The following MIPOL1 variants were observed in gnomAD, a reference collection of about 807,000 sequenced individuals.
The protein encoded by MIPOL1 is mirror-image polydactyly 1, also known as mirror-image polydactyly gene 1 protein.
Under a neutral mutation model 60.9 loss-of-function variants are expected in MIPOL1, and 57 were observed. The ratio of observed to expected loss-of-function variants is 0.94; its 90% CI spans 0.76 to 1.17. The LOEUF is 1.17. Ranked by LOEUF, MIPOL1 falls within the 50% of genes most tolerant of loss-of-function variation. The pLI, the probability that MIPOL1 is intolerant of heterozygous loss-of-function variation, is 0.00. For synonymous variants in MIPOL1, 179 were observed against 168.8 expected, an observed-to-expected ratio of 1.06 and a Z score of -0.47; for missense variants, 551 against 511.6, an observed-to-expected ratio of 1.08 and a Z score of -0.74.
At chr14:37,327,267 A>C (rs1009041422) in intron 9 of MIPOL1, among the ~76,000 whole-genome samples, 1 of 151,984 alleles carries the variant, frequency 6.6e-6, no homozygotes, top group Non-Finnish European at 1.5e-5. Flanking sequence ...ATCCCACATG[A>C]GGTTGGAAAT....
intron 1 of MIPOL1, among the ~76,000 whole-genome samples, chr14:37,210,318 T>C (rs1966722949): frequency 6.6e-6 from 1 of 152,088 alleles, no homozygotes. Context: ...CTCATCCCTT[T>C]TGACACCAGT....
intron 11 of MIPOL1, among the ~76,000 whole-genome samples, chr14:37,473,186 G>A (rs182328240): frequency 6.6e-6 from 1 of 151,996 alleles, no homozygotes; most frequent in South Asian, 2.1e-4. Flanking sequence ...GTTCTTTCTC[G>A]ATTAAAGATA....
intron 1 of MIPOL1, among the ~76,000 whole-genome samples, chr14:37,235,068 G>A (rs769088593): frequency 5.9e-5 from 9 of 151,378 alleles, no homozygotes; most frequent in Non-Finnish European, 1.0e-4. Flanking sequence ...TGGGATTACA[G>A]GCGTGAGCCA....
chr14:37,263,564 G>A (rs190074152), intron 3 of MIPOL1, among the ~76,000 whole-genome samples: 11 of 152,238 alleles, frequency 7.2e-5, no homozygotes, highest in Admixed American at 6.5e-4. Context: ...ATAAAACAGT[G>A]TGCCCACAGA....
At chr14:37,540,411 G>A (rs866594470) in intron 12 of MIPOL1, among the ~76,000 whole-genome samples, 1 of 152,138 alleles carries the variant, frequency 6.6e-6, no homozygotes, top group Non-Finnish European at 1.5e-5. Context: ...CGTAGTGTCT[G>A]TATATATTCA....
At chr14:37,486,305 T>C (rs2094945276) in intron 11 of MIPOL1, among the ~76,000 whole-genome samples, 1 of 152,172 alleles carries the variant, frequency 6.6e-6, no homozygotes, top group South Asian at 2.1e-4. Context: ...CTTAGGATTG[T>C]CTTGGCAATG....
chr14:37,499,758 T>C, intron 11 of MIPOL1, 150 bp from the exon 12 acceptor site: 1 of 467,602 alleles, frequency 2.1e-6, no homozygotes, highest in Non-Finnish European at 3.8e-6. Flanking sequence ...TCAATTATAA[T>C]GTTGTGACAT....
At chr14:37,233,971 G>T (rs1170960028) in intron 1 of MIPOL1, among the ~76,000 whole-genome samples, 1 of 152,120 alleles carries the variant, frequency 6.6e-6, no homozygotes, top group Non-Finnish European at 1.5e-5. Context: ...GCTTTGGTTG[G>T]ACTTGGTCTT....
intron 11 of MIPOL1, among the ~76,000 whole-genome samples, chr14:37,476,876 T>TTTTAC (rs1239417556): frequency 1.3e-5 from 2 of 151,278 alleles, no homozygotes; most frequent in Non-Finnish European, 2.9e-5. Context: ...GGTTTGTAAG[T>TTTTAC]TTTACTTTCT....
intron 11 of MIPOL1, among the ~76,000 whole-genome samples, chr14:37,462,893 C>T (rs1159718984): frequency 2.0e-5 from 3 of 152,154 alleles, no homozygotes; most frequent in African/African-American, 4.8e-5. Flanking sequence ...CAAACTTTCC[C>T]ATATTTTCCT....
intron 12 of MIPOL1, among the ~76,000 whole-genome samples, chr14:37,542,234 C>T (rs1485146398): frequency 6.6e-6 from 1 of 152,106 alleles, no homozygotes; most frequent in African/African-American, 2.4e-5. Context: ...TGTGACTGTC[C>T]TACTCTTGGT....
At chr14:37,450,511 A>C (rs534215573) in intron 11 of MIPOL1, among the ~76,000 whole-genome samples, 27 of 152,210 alleles carry the variant, frequency 1.8e-4, no homozygotes, top group Admixed American at 7.9e-4. Context: ...CATGGAAGAT[A>C]ATTTTTTTAA....
intron 11 of MIPOL1, among the ~76,000 whole-genome samples, chr14:37,479,995 A>G (rs2094837226): frequency 1.3e-5 from 2 of 152,170 alleles, no homozygotes; most frequent in Admixed American, 1.3e-4. Flanking sequence ...ATGAAAAAGT[A>G]GAAAATCTAA....
chr14:37,200,850 ATGTGTG>A (rs56965903), intron 1 of MIPOL1, among the ~76,000 whole-genome samples: 17,291 of 86,952 alleles, frequency 0.2, 1,675 homozygotes, highest in Non-Finnish European at 0.22. Context: ...ATATCTATCT[ATGTGTG>A]TGTGTGTGTG....
At chr14:37,490,452 G>T (rs1040364319) in intron 11 of MIPOL1, among the ~76,000 whole-genome samples, 10 of 152,248 alleles carry the variant, frequency 6.6e-5, no homozygotes, top group African/African-American at 1.4e-4. Flanking sequence ...CTTTCCAGGG[G>T]AGTGAACGGT....
intron 11 of MIPOL1, among the ~76,000 whole-genome samples, chr14:37,471,217 TC>T (rs1243047881): frequency 6.6e-6 from 1 of 152,170 alleles, no homozygotes; most frequent in Non-Finnish European, 1.5e-5. Flanking sequence ...ACAATTTGAT[TC>T]TAAATGAGAT....
At chr14:37,222,406 CTTA>C (rs1005157958) in intron 1 of MIPOL1, among the ~76,000 whole-genome samples, 1 of 141,960 alleles carries the variant, frequency 7.0e-6, no homozygotes, top group African/African-American at 2.6e-5. Flanking sequence ...TTTTTTTTAA[CTTA>C]TTATAGAGGT....
chr14:37,416,635 T>A (rs2093774880), intron 10 of MIPOL1, among the ~76,000 whole-genome samples: 1 of 152,202 alleles, frequency 6.6e-6, no homozygotes, highest in Non-Finnish European at 1.5e-5. Flanking sequence ...GTTGTTATTC[T>A]GTGTGTGACT....
chr14:37,200,898 GTA>G (rs1965209560), intron 1 of MIPOL1, among the ~76,000 whole-genome samples: 4 of 42,434 alleles, frequency 9.4e-5, no homozygotes, highest in African/African-American at 3.7e-4. Context: ...GTGTGTGTGT[GTA>G]TTTTTTTTTT....
Sources: allele counts gnomAD v4.1 joint callset (sites outside exome capture counted in the v4.1 genomes callset), GRCh38; gene constraint gnomAD v4.1.1; transcripts MANE v1.5; gene names NCBI Gene and HGNC (gene_info 2026-07-23, HGNC 2026-07-21).